The following PID1 variants were observed in gnomAD, a reference collection of about 807,000 sequenced individuals.
PID1 encodes PTB-containing, cubilin and LRP1-interacting protein.
Under a neutral mutation model 19.1 loss-of-function variants are expected in PID1, and 10 were observed. The ratio of observed to expected loss-of-function variants is 0.52; its 90% CI spans 0.32 to 0.89. The LOEUF (loss-of-function observed/expected upper bound fraction) is 0.89, where lower values mean the gene tolerates loss of function less well. PID1 is among the 40% of genes least tolerant of loss of function. The pLI is 0.03. For synonymous variants in PID1, 130 were observed against 116.0 expected, an observed-to-expected ratio of 1.12 and a Z score of -0.78; for missense variants, 248 against 285.3, an observed-to-expected ratio of 0.87 and a Z score of 0.94.
chr2:229,139,621 G>C (rs902001272), intron 2 of PID1, among the ~76,000 whole-genome samples: 1 of 152,262 alleles, frequency 6.6e-6, no homozygotes, highest in Middle Eastern at 3.4e-3. Context: ...CTTGATCTAC[G>C]AATGTAGAGT....
intron 2 of PID1, among the ~76,000 whole-genome samples, chr2:229,146,046 G>A (rs958965015): frequency 5.9e-5 from 9 of 152,128 alleles, no homozygotes; most frequent in Non-Finnish European, 8.8e-5. Flanking sequence ...CTAAAAAACT[G>A]ATGAACTGAG....
intron 2 of PID1, among the ~76,000 whole-genome samples, chr2:229,121,711 G>C (rs373135716): frequency 9.2e-5 from 14 of 152,150 alleles, no homozygotes; most frequent in African/African-American, 3.1e-4. Flanking sequence ...GTGTATGGAG[G>C]GGGGAGGTAT....
intron 2 of PID1, among the ~76,000 whole-genome samples, chr2:229,123,097 A>T (rs1695555526): frequency 1.3e-5 from 2 of 152,106 alleles, no homozygotes; most frequent in Admixed American, 1.3e-4. Context: ...GAGTTGCGTG[A>T]TCATCACCAC....
chr2:229,038,935 A>T (rs1693715043), intron 2 of PID1, among the ~76,000 whole-genome samples: 3 of 152,228 alleles, frequency 2.0e-5, no homozygotes, highest in Admixed American at 2.0e-4. Flanking sequence ...TCGGTAAACA[A>T]ACCTGAAATC....
At chr2:229,151,351 G>A (rs990601582) in intron 2 of PID1, among the ~76,000 whole-genome samples, 1 of 152,096 alleles carries the variant, frequency 6.6e-6, no homozygotes, top group African/African-American at 2.4e-5. Context: ...AGTTACTAAC[G>A]AGGGACCCTG....
rs140019365 is a variant in PID1, at chr2:229,093,237, C to T, written c.177+62581G>A. Among the ~76,000 whole-genome samples the T allele has an allele frequency of 5.3e-3, 799 of 151,594 alleles. 8 individuals are homozygous for T. The highest frequency in any genetic ancestry group is 0.018 in the African/African-American group (737 of 41,298). ...CCTCCGGGTTCAAGTGGTTCTTGTG[C>T]CTCAGCCTCCTGTGTAGCTGAGACC... On this transcript the variant is annotated intron_variant, in intron 2 of 2. Coordinates refer to ENST00000392055, the MANE Select transcript of PID1 (RefSeq NM_001100818.2).
chr2:229,058,310 G>A (rs1694144326), intron 2 of PID1, among the ~76,000 whole-genome samples: 1 of 152,194 alleles, frequency 6.6e-6, no homozygotes, highest in African/African-American at 2.4e-5. Flanking sequence ...AAGGAGAGAA[G>A]AGATGAGTTC....
At chr2:229,160,890 T>C (rs747550485) in intron 1 of PID1, among the ~76,000 whole-genome samples, 1 of 152,168 alleles carries the variant, frequency 6.6e-6, no homozygotes, top group African/African-American at 2.4e-5. Context: ...TGAGTGGCTC[T>C]GGTGCATTTT....
intron 1 of PID1, among the ~76,000 whole-genome samples, chr2:229,188,315 T>A (rs1436929679): frequency 2.0e-5 from 3 of 149,834 alleles, no homozygotes; most frequent in Non-Finnish European, 4.4e-5. Flanking sequence ...ATGCATTTGC[T>A]TCTCCCCTGA....
intron 2 of PID1, among the ~76,000 whole-genome samples, chr2:229,026,321 T>C (rs1010369048): frequency 2.0e-5 from 3 of 152,240 alleles, no homozygotes; most frequent in African/African-American, 7.2e-5. Flanking sequence ...ATTATTTGAA[T>C]AGAGTTGGAT....
chr2:229,132,255 A>C (rs1443808299), intron 2 of PID1, among the ~76,000 whole-genome samples: 3 of 152,206 alleles, frequency 2.0e-5, no homozygotes, highest in African/African-American at 7.2e-5. Context: ...TGAGGACCAC[A>C]ACCATCTATG....
intron 2 of PID1, among the ~76,000 whole-genome samples, chr2:229,032,424 T>C (rs553554732): frequency 1.3e-5 from 2 of 152,348 alleles, no homozygotes; most frequent in Admixed American, 1.3e-4. Context: ...TTATCCTGTC[T>C]ATGAAAGAGG....
chr2:229,026,055 G>A lies in PID1; in HGVS notation c.231C>T (p.Cys77=). ...STTGMQFLSG[C]TEKPVIELWK... is the part of the protein sequence containing the mutation. ...AGAGCTCAATGACTGGCTTTTCTGT[G>A]CAGCCTGACAAAAACTGCATGCCAG... Residue 77 remains cysteine (C), a synonymous_variant, in exon 3 of 3, where the codon TGC becomes TGT. Coordinates refer to ENST00000392055, the MANE Select transcript of PID1 (RefSeq NM_001100818.2). The A allele has an allele frequency of 6.2e-7, 1 of 1,614,148 alleles. No homozygotes were observed. The highest frequency in any genetic ancestry group is 8.5e-7 in the Non-Finnish European group (1 of 1,180,020).
At chr2:229,207,324 T>G (rs1024254403) in intron 1 of PID1, among the ~76,000 whole-genome samples, 3 of 151,982 alleles carry the variant, frequency 2.0e-5, no homozygotes, top group African/African-American at 4.8e-5. Context: ...AGTATGGGAC[T>G]GAACCTCTCT....
At chr2:229,193,543 G>A (rs150065085) in intron 1 of PID1, among the ~76,000 whole-genome samples, 46 of 152,220 alleles carry the variant, frequency 3.0e-4, no homozygotes, top group African/African-American at 1.1e-3. Flanking sequence ...AGCATTGTTA[G>A]TCTACCACAC....
chr2:229,142,509 A>C (rs1271166464), intron 2 of PID1, among the ~76,000 whole-genome samples: 2 of 152,204 alleles, frequency 1.3e-5, no homozygotes, highest in Non-Finnish European at 2.9e-5. Flanking sequence ...AAGATATGGC[A>C]GTTTTAGAAA....
intron 1 of PID1, among the ~76,000 whole-genome samples, chr2:229,192,492 A>G (rs1049786942): frequency 1.3e-5 from 2 of 152,214 alleles, no homozygotes; most frequent in Non-Finnish European, 2.9e-5. Flanking sequence ...TTTTGGAACA[A>G]TAAAAAAGAA....
intron 2 of PID1, among the ~76,000 whole-genome samples, chr2:229,078,884 C>G (rs1339424810): frequency 1.3e-5 from 2 of 151,696 alleles, no homozygotes; most frequent in African/African-American, 4.8e-5. Context: ...TCCTCAGCTG[C>G]TTTGCAATGG....
intron 2 of PID1, among the ~76,000 whole-genome samples, chr2:229,121,481 G>A (rs1695518559): frequency 6.6e-6 from 1 of 152,218 alleles, no homozygotes; most frequent in African/African-American, 2.4e-5. Context: ...CTGACCATGA[G>A]TAAGTCCCTT....
Sources: gnomAD v4.1 joint callset for allele counts (sites outside exome capture counted in the v4.1 genomes callset) on GRCh38, gnomAD v4.1.1 for gene constraint, MANE v1.5 for transcripts, NCBI Gene and HGNC (gene_info 2026-07-23, HGNC 2026-07-21) for gene names.